Variants in ESRRG observed in about 807,000 individuals in gnomAD.
ESRRG encodes the protein estrogen related receptor gamma.
A neutral mutation model predicts 44.0 loss-of-function variants in ESRRG; 13 were observed. The observed-to-expected ratio is 0.30, with a 90% CI of 0.19 to 0.47. The LOEUF is 0.47. Ranked by LOEUF, ESRRG falls within the 20% of genes least tolerant of loss-of-function variation. ESRRG has a pLI of 1.00. For synonymous variants in ESRRG, 215 were observed against 214.6 expected (o/e 1.00, Z -0.02); for missense variants, 395 against 580.6 (o/e 0.68, Z 3.29).
intron 2 of ESRRG, among the ~76,000 whole-genome samples, chr1:216,658,911 AAGAGAAAT>A (rs2071480924): frequency 6.7e-6 from 1 of 148,614 alleles, no homozygotes; most frequent in African/African-American, 2.5e-5. Context: ...AAGAGAAGAG[AAGAGAAAT>A]AAAGAAAAGA....
chr1:216,537,707 T>C (rs974235476), intron 5 of ESRRG, among the ~76,000 whole-genome samples: 6 of 152,028 alleles, frequency 3.9e-5, no homozygotes, highest in African/African-American at 1.4e-4. Context: ...AGGTATGGGA[T>C]AGGAGTAAGG....
At chr1:216,593,942 AGGCTGGTGTCAAACTCCT>A (rs2058069753) in intron 3 of ESRRG, among the ~76,000 whole-genome samples, 1 of 152,144 alleles carries the variant, frequency 6.6e-6, no homozygotes, top group Non-Finnish European at 1.5e-5. Context: ...TGTGTTGCCC[AGGCTGGTGTCAAACTCCT>A]GGGCTCAGGC....
chr1:216,648,940 G>C (rs529898776), intron 3 of ESRRG, among the ~76,000 whole-genome samples: 1 of 152,044 alleles, frequency 6.6e-6, no homozygotes, highest in East Asian at 1.9e-4. Context: ...TATAATTAAG[G>C]CCAGAAATTG....
chr1:216,528,629 G>A (rs2048383942), intron 5 of ESRRG, among the ~76,000 whole-genome samples: 1 of 152,046 alleles, frequency 6.6e-6, no homozygotes, highest in African/African-American at 2.4e-5. Context: ...AATATAATAT[G>A]TCTACTTTTT....
chr1:217,027,493 T>C (rs913988663), intron 1 of ESRRG, among the ~76,000 whole-genome samples: 1 of 152,154 alleles, frequency 6.6e-6, no homozygotes, highest in South Asian at 2.1e-4. Context: ...CTTCATAATG[T>C]TGTACACTTA....
At chr1:217,089,719 C>G (rs1229049042), upstream of ESRRG, 1 of 152,078 alleles carries the variant, frequency 6.6e-6, no homozygotes, top group African/African-American at 2.4e-5. Flanking sequence ...CGGCCCCCCG[C>G]TCTGCCCCCG....
intron 1 of ESRRG, among the ~76,000 whole-genome samples, chr1:217,121,269 G>C (rs1480762546): frequency 6.6e-6 from 1 of 152,206 alleles, no homozygotes; most frequent in Non-Finnish European, 1.5e-5. Context: ...GAATAGTAAA[G>C]TGTCAGAAAT....
intron 2 of ESRRG, among the ~76,000 whole-genome samples, chr1:216,892,735 A>G (rs1239574498): frequency 1.3e-5 from 2 of 152,182 alleles, no homozygotes; most frequent in Non-Finnish European, 2.9e-5. Context: ...TGAACACAGC[A>G]CTGTCCTCAC....
At chr1:216,736,598 G>T (rs1361335) in intron 2 of ESRRG, among the ~76,000 whole-genome samples, 138,308 of 151,912 alleles carry the variant, frequency 0.91, 63,229 homozygotes, top group South Asian at 0.96. Context: ...AGAAGCAAGA[G>T]TTGGTAGAAA....
intron 2 of ESRRG, among the ~76,000 whole-genome samples, chr1:216,826,958 A>G (rs1298323272): frequency 2.6e-5 from 4 of 152,126 alleles, no homozygotes; most frequent in East Asian, 1.9e-4. Flanking sequence ...CTCTTTCCCA[A>G]CTATATGAGC....
intron 1 of ESRRG, among the ~76,000 whole-genome samples, chr1:216,693,082 T>C (rs1364337886): frequency 2.0e-5 from 3 of 152,244 alleles, no homozygotes; most frequent in African/African-American, 4.8e-5. Flanking sequence ...CTCTCTGGAA[T>C]TCAACTTCCT....
chr1:217,024,517 C>T (rs1474547659), intron 1 of ESRRG, among the ~76,000 whole-genome samples: 1 of 152,074 alleles, frequency 6.6e-6, no homozygotes, highest in Non-Finnish European at 1.5e-5. Flanking sequence ...CTCCAATTCC[C>T]ATGTAAGAGA....
chr1:216,658,204 T>C (rs1161560766), intron 2 of ESRRG, among the ~76,000 whole-genome samples: 1 of 152,114 alleles, frequency 6.6e-6, no homozygotes, highest in Non-Finnish European at 1.5e-5. Context: ...AACAATAAGA[T>C]TCTATTCCTC....
At chr1:216,835,838 A>G (rs567109320) in intron 2 of ESRRG, among the ~76,000 whole-genome samples, 31 of 152,306 alleles carry the variant, frequency 2.0e-4, no homozygotes. Flanking sequence ...CACAACATTT[A>G]ATGAGGGAAC....
At chr1:216,559,412 TG>T in intron 5 of ESRRG, among the ~76,000 whole-genome samples, 1 of 152,296 alleles carries the variant, frequency 6.6e-6, no homozygotes, top group African/African-American at 2.4e-5. Context: ...CAGCAGAGGG[TG>T]GAAACTTGGA....
chr1:216,920,685 C>T (rs190371833), intron 2 of ESRRG, among the ~76,000 whole-genome samples: 52 of 152,242 alleles, frequency 3.4e-4, no homozygotes, highest in African/African-American at 1.2e-3. Context: ...CTTACTTCAA[C>T]ACAATGCTTT....
At chr1:216,593,300 A>G (rs1036032142) in intron 3 of ESRRG, among the ~76,000 whole-genome samples, 2 of 152,170 alleles carry the variant, frequency 1.3e-5, no homozygotes, top group African/African-American at 2.4e-5. Flanking sequence ...GGAAAAAAAT[A>G]AAATGAATAA....
At chr1:217,022,994 T>A (rs1172412024) in intron 1 of ESRRG, among the ~76,000 whole-genome samples, 1 of 152,176 alleles carries the variant, frequency 6.6e-6, no homozygotes, top group Non-Finnish European at 1.5e-5. Flanking sequence ...GATGAACACA[T>A]TTCTGAAAAC....
intron 2 of ESRRG, among the ~76,000 whole-genome samples, chr1:216,779,700 C>T (rs1351412346): frequency 6.8e-6 from 1 of 147,938 alleles, no homozygotes; most frequent in Non-Finnish European, 1.5e-5. Context: ...GCACTTCTTG[C>T]TAACAATTTA....
Sources: gnomAD v4.1 joint callset for allele counts (sites outside exome capture counted in the v4.1 genomes callset) on GRCh38, gnomAD v4.1.1 for gene constraint, MANE v1.5 for transcripts, NCBI Gene and HGNC (gene_info 2026-07-23, HGNC 2026-07-21) for gene names.